DLGAP2: variants seen among roughly 807,000 people sequenced by gnomAD.
DLGAP2 encodes the protein DLG associated protein 2, also known as disks large-associated protein 2.
Under a neutral mutation model 100.3 loss-of-function variants are expected in DLGAP2, and 26 were observed. The ratio of observed to expected loss-of-function variants is 0.26; its 90% CI spans 0.19 to 0.36. The LOEUF (loss-of-function observed/expected upper bound fraction) is 0.36. Ranked by LOEUF, DLGAP2 falls within the 10% of genes least tolerant of loss-of-function variation. The probability of loss-of-function intolerance (pLI) is 1.00; values close to 1 mark genes in which losing one functional copy is unlikely to be tolerated. For synonymous variants in DLGAP2, 886 were observed against 630.1 expected (o/e 1.41, Z -6.08); for missense variants, 1,858 against 1,453.2 (o/e 1.28, Z -4.53).
At chr8:758,403 A>T (rs1487369807) in intron 1 of DLGAP2, among the ~76,000 whole-genome samples, 3 of 152,098 alleles carry the variant, frequency 2.0e-5, no homozygotes, top group Non-Finnish European at 2.9e-5. Flanking sequence ...TAATATTTAT[A>T]TATTTATAGA....
intron 3 of DLGAP2, among the ~76,000 whole-genome samples, chr8:1,367,548 G>A (rs548239478): frequency 6.6e-6 from 1 of 152,350 alleles, no homozygotes; most frequent in African/African-American, 2.4e-5. Flanking sequence ...AGGACAGTGG[G>A]ATCGTTGTCA....
chr8:993,666 T>G (rs897117319), intron 2 of DLGAP2, among the ~76,000 whole-genome samples: 2 of 152,144 alleles, frequency 1.3e-5, no homozygotes, highest in African/African-American at 4.8e-5. Flanking sequence ...ATTCTGCCAT[T>G]TAGCCTGAGA....
chr8:995,999 G>C (rs1800773446), intron 2 of DLGAP2, among the ~76,000 whole-genome samples: 2 of 152,152 alleles, frequency 1.3e-5, no homozygotes, highest in African/African-American at 4.8e-5. Flanking sequence ...TTTTCCATGT[G>C]GTTCTGAAGT....
intron 2 of DLGAP2, among the ~76,000 whole-genome samples, chr8:941,598 C>G (rs1454046355): frequency 6.6e-6 from 1 of 152,180 alleles, no homozygotes; most frequent in Non-Finnish European, 1.5e-5. Flanking sequence ...AACAGCAGCT[C>G]TCATCGTTCT....
intron 2 of DLGAP2, among the ~76,000 whole-genome samples, chr8:1,222,901 T>C (rs1798344299): frequency 6.6e-6 from 1 of 152,114 alleles, no homozygotes; most frequent in Admixed American, 6.5e-5. Flanking sequence ...CGGCCAGCCG[T>C]GCTCTCTCCT....
At chr8:1,015,198 G>A (rs1305416449) in intron 2 of DLGAP2, among the ~76,000 whole-genome samples, 1 of 12,560 alleles carries the variant, frequency 8.0e-5, no homozygotes, top group Non-Finnish European at 2.0e-4. Flanking sequence ...GACAGACGAC[G>A]CCTCCACTGT....
At chr8:1,554,088 G>A (rs952781609) in intron 5 of DLGAP2, among the ~76,000 whole-genome samples, 1 of 152,116 alleles carries the variant, frequency 6.6e-6, no homozygotes, top group African/African-American at 2.4e-5. Context: ...AGGAGTTCAA[G>A]ACCAACCTGG....
intron 6 of DLGAP2, among the ~76,000 whole-genome samples, chr8:1,599,579 T>G (rs1229353203): frequency 6.6e-6 from 1 of 152,158 alleles, no homozygotes; most frequent in East Asian, 1.9e-4. Flanking sequence ...GCATATATAT[T>G]TAGGATAGTT....
chr8:1,023,391 TATG>T (rs1563149813), intron 2 of DLGAP2, among the ~76,000 whole-genome samples: 2 of 152,082 alleles, frequency 1.3e-5, no homozygotes, highest in African/African-American at 2.4e-5. Context: ...GATGAGGTCT[TATG>T]ATGTTCCCAG....
rs564212130 is a variant in DLGAP2 at position 1,201,755 on chromosome 8, G to GC, written c.74-57093dup. ...TCCCTGTGAGGGGCTTGTGTGCTGT[G>GC]CCCTCCCTCATCACCAGGCAGCATC... On this transcript the variant is annotated intron_variant, in intron 2 of 14. Coordinates refer to ENST00000637795, the MANE Select transcript of DLGAP2 (RefSeq NM_001346810.2). Among the ~76,000 whole-genome samples the GC allele has an allele frequency of 4.2e-3, 644 of 152,318 alleles. 6 individuals are homozygous for GC. Among genetic ancestry groups the GC allele is most frequent in the Middle Eastern group, 0.027 (8 of 294 alleles).
intron 5 of DLGAP2, among the ~76,000 whole-genome samples, chr8:1,554,476 G>T (rs1172544291): frequency 6.6e-6 from 1 of 152,086 alleles, no homozygotes; most frequent in Non-Finnish European, 1.5e-5. Flanking sequence ...ACCTCCACAT[G>T]CTGGGTGACC....
At chr8:1,153,860 C>T (rs1796736452) in intron 2 of DLGAP2, among the ~76,000 whole-genome samples, 1 of 152,126 alleles carries the variant, frequency 6.6e-6, no homozygotes, top group Non-Finnish European at 1.5e-5. Flanking sequence ...TAGCACTTTC[C>T]TTGGCAAAAA....
At chr8:1,124,867 G>A (rs980914384) in intron 2 of DLGAP2, among the ~76,000 whole-genome samples, 1 of 152,146 alleles carries the variant, frequency 6.6e-6, no homozygotes, top group African/African-American at 2.4e-5. Context: ...CCAGGCTCTG[G>A]GTTTCAGGCA....
In DLGAP2 at chr8:1,169,887, C is replaced by G. The variant is rs1797093006; in HGVS notation, c.74-88964C>G. On this transcript the variant is annotated intron_variant, in intron 2 of 14. Coordinates refer to ENST00000637795, the MANE Select transcript of DLGAP2 (RefSeq NM_001346810.2). ...AATAACCTTTATTTCCTTCTCCTGC[C>G]TAATTGCCCTGGCTAGAACTTCCAA... is the stretch of plus-strand genomic sequence containing the variant. 2.0e-5 allele frequency among the ~76,000 whole-genome samples: 3 copies of G among 151,934 alleles called. No homozygotes were observed. In the East Asian group the frequency reaches 5.8e-4, roughly 29 times the overall value.
intron 3 of DLGAP2, among the ~76,000 whole-genome samples, chr8:1,448,003 G>T (rs1259552050): frequency 6.6e-6 from 1 of 152,046 alleles, no homozygotes; most frequent in African/African-American, 2.4e-5. Context: ...CTTGCTAGCA[G>T]TCTATCTATT....
intron 2 of DLGAP2, among the ~76,000 whole-genome samples, chr8:1,164,409 TTC>T (rs1796973025): frequency 2.6e-5 from 4 of 152,244 alleles, no homozygotes; most frequent in South Asian, 2.1e-4. Flanking sequence ...TCGTTTTGGT[TTC>T]TCTGGAGCTG....
intron 2 of DLGAP2, among the ~76,000 whole-genome samples, chr8:1,159,841 G>A (rs1796856095): frequency 6.6e-6 from 1 of 152,200 alleles, no homozygotes; most frequent in South Asian, 2.1e-4. Context: ...GTTGAACACA[G>A]CCCCCGCAGG....
chr8:1,269,541 C>T (rs937824734), intron 3 of DLGAP2, among the ~76,000 whole-genome samples: 3 of 152,162 alleles, frequency 2.0e-5, no homozygotes, highest in Non-Finnish European at 2.9e-5. Flanking sequence ...CCTGAAACCC[C>T]GTATTATTGT....
intron 2 of DLGAP2, among the ~76,000 whole-genome samples, chr8:918,374 C>T (rs954566239): frequency 8.5e-5 from 13 of 152,178 alleles, no homozygotes; most frequent in Non-Finnish European, 1.3e-4. Flanking sequence ...TAGGGTTTAC[C>T]AGTCGTCTGA....
Sources: allele counts gnomAD v4.1 joint callset (sites outside exome capture counted in the v4.1 genomes callset), GRCh38; gene constraint gnomAD v4.1.1; transcripts MANE v1.5; gene names NCBI Gene and HGNC (gene_info 2026-07-23, HGNC 2026-07-21).